Variants in FSD1L observed in about 807,000 individuals in gnomAD.
FSD1L encodes fibronectin type III and SPRY domain containing 1 like.
In FSD1L, 45 loss-of-function variants were observed where a neutral mutation model predicts 71.6. That is an observed-to-expected ratio of 0.63 (90% confidence interval 0.49 to 0.81). The LOEUF is 0.81. Among genes scored for constraint, FSD1L ranks in the 30% least tolerant of loss-of-function variants. The pLI is 0.00. For missense variants in FSD1L, 561 were observed against 618.1 expected, an observed-to-expected ratio of 0.91 and a Z score of 0.98; for synonymous variants, 197 against 207.2, an observed-to-expected ratio of 0.95 and a Z score of 0.42.
chr9:105,455,678 T>A (rs1830314437), intron 1 of FSD1L, among the ~76,000 whole-genome samples: 1 of 152,200 alleles, frequency 6.6e-6, no homozygotes, highest in Non-Finnish European at 1.5e-5. Context: ...TTGATAGCTG[T>A]GTGACCTAAA....
At chr9:105,475,951 A>G (rs1299916973) in intron 5 of FSD1L, among the ~76,000 whole-genome samples, 1 of 152,180 alleles carries the variant, frequency 6.6e-6, no homozygotes, top group Non-Finnish European at 1.5e-5. Flanking sequence ...CTAAAGGAAA[A>G]TAAGGCTTTG....
chr9:105,500,178 G>C (rs139236825), intron 7 of FSD1L, among the ~76,000 whole-genome samples: 67 of 152,254 alleles, frequency 4.4e-4, no homozygotes, highest in African/African-American at 1.5e-3. Flanking sequence ...CAGCATTTCT[G>C]CCATATCTGA....
chr9:105,447,217 A>AT (rs1351955064), upstream of FSD1L, among the ~76,000 whole-genome samples: 6 of 149,330 alleles, frequency 4.0e-5, no homozygotes, highest in Non-Finnish European at 7.4e-5. Flanking sequence ...CCAGCTACTC[A>AT]TGAGGCTGAG....
intron 10 of FSD1L, chr9:105,522,308 A>G: frequency 6.2e-7 from 1 of 1,613,944 alleles, no homozygotes; most frequent in South Asian, 1.1e-5. Context: ...TCAGTGATTT[A>G]CCATTGGATA....
intron 7 of FSD1L, among the ~76,000 whole-genome samples, chr9:105,495,217 C>G (rs186593017): frequency 0.012 from 1,804 of 152,314 alleles, 53 homozygotes; most frequent in African/African-American, 0.042. Context: ...GGTGCCCCTC[C>G]CCTAGCCTCG....
At chr9:105,516,900 C>T (rs1221266269) in intron 10 of FSD1L, among the ~76,000 whole-genome samples, 1 of 152,058 alleles carries the variant, frequency 6.6e-6, no homozygotes, top group African/African-American at 2.4e-5. Flanking sequence ...CATGTTCTAA[C>T]CTAATGCAAG....
intron 7 of FSD1L, among the ~76,000 whole-genome samples, chr9:105,485,469 A>G (rs1488521894): frequency 6.6e-6 from 1 of 151,918 alleles, no homozygotes; most frequent in East Asian, 1.9e-4. Flanking sequence ...ATTGGTGACC[A>G]AACTTCAACA....
chr9:105,511,981 A>T (rs2131376704), intron 9 of FSD1L, among the ~76,000 whole-genome samples: 1 of 152,224 alleles, frequency 6.6e-6, no homozygotes, highest in South Asian at 2.1e-4. Context: ...AATAGCTGAT[A>T]CCTTGCAAGA....
upstream of FSD1L, chr9:105,447,952 C>A (rs988374617): frequency 5.6e-6 from 3 of 533,074 alleles, no homozygotes; most frequent in Admixed American, 8.0e-5. Flanking sequence ...GCTCCCCACC[C>A]TCCACGGCTA....
chr9:105,483,310 G>A (rs1832330893), intron 6 of FSD1L, among the ~76,000 whole-genome samples: 2 of 152,280 alleles, frequency 1.3e-5, no homozygotes, highest in South Asian at 4.1e-4. Flanking sequence ...TAAAATAAGT[G>A]AATATAGCAA....
chr9:105,533,685 T>A (rs563202617), intron 10 of FSD1L, among the ~76,000 whole-genome samples: 2 of 150,606 alleles, frequency 1.3e-5, no homozygotes, highest in Admixed American at 1.3e-4. Flanking sequence ...CCTCTCAAAT[T>A]GCTGAGATTA....
At chr9:105,471,838 T>G (rs534688297) in intron 4 of FSD1L, 66 bp from the exon 5 acceptor site, 19 of 591,420 alleles carry the variant, frequency 3.2e-5, no homozygotes, top group Middle Eastern at 3.1e-4. Flanking sequence ...ACAATATATA[T>G]TTAAGATTCT....
Position 105,520,342 on chromosome 9 carries a change from A to G in FSD1L, c.1025+7406A>G, listed in dbSNP as rs1564135611. 6 of 1,304,516 alleles carry G rather than the reference A, an allele frequency of 4.6e-6. No homozygotes were observed. In the East Asian group the frequency reaches 1.4e-4, roughly 30 times the overall value. The allele number at this position is 1,304,516 out of a possible 1,614,324, so 80.8% of individuals were successfully genotyped here. A position where few individuals can be genotyped will look rare whatever the true frequency, so the allele number is the denominator to read the frequency against. ...TGATGCGTATTTGTTTTGGAAAGTG[A>G]TGTTTATTTAGTGAAAAAAAGAATG... On this transcript the variant is annotated intron_variant, in intron 10 of 13. Coordinates refer to ENST00000481272, the MANE Select transcript of FSD1L (RefSeq NM_001145313.3).
intron 7 of FSD1L, among the ~76,000 whole-genome samples, chr9:105,488,971 C>G (rs1588991920): frequency 6.6e-6 from 1 of 151,960 alleles, no homozygotes; most frequent in Admixed American, 6.6e-5. Context: ...TTATTCTAAA[C>G]CTTCTTACAG....
At chr9:105,530,096 G>A (rs117551014) in intron 10 of FSD1L, among the ~76,000 whole-genome samples, 4 of 152,288 alleles carry the variant, frequency 2.6e-5, no homozygotes, top group East Asian at 3.9e-4. Flanking sequence ...ATGCTAAGTC[G>A]TTTGTAAGTA....
intron 10 of FSD1L, chr9:105,525,548 T>C: frequency 6.2e-7 from 1 of 1,611,428 alleles, no homozygotes; most frequent in Non-Finnish European, 8.5e-7. Flanking sequence ...TATTGCAGAT[T>C]GCTTCTTAGT....
chr9:105,452,068 G>A (rs1236898946), intron 1 of FSD1L, among the ~76,000 whole-genome samples: 4 of 152,002 alleles, frequency 2.6e-5, no homozygotes, highest in Non-Finnish European at 1.5e-5. Flanking sequence ...GGCTTGACTG[G>A]ACAAAACTAG....
At chr9:105,456,678 G>T (rs1369514896) in intron 1 of FSD1L, among the ~76,000 whole-genome samples, 3 of 152,126 alleles carry the variant, frequency 2.0e-5, no homozygotes, top group Non-Finnish European at 2.9e-5. Context: ...GTATTTTTTT[G>T]TTGTTGTTAT....
chr9:105,532,577 G>A (rs1052406439), intron 10 of FSD1L, among the ~76,000 whole-genome samples: 1 of 151,968 alleles, frequency 6.6e-6, no homozygotes, highest in Admixed American at 6.5e-5. Context: ...CCCCCCTCAC[G>A]TTCTGTTTTG....
Sources: gnomAD v4.1 joint callset for allele counts (sites outside exome capture counted in the v4.1 genomes callset) on GRCh38, gnomAD v4.1.1 for gene constraint, MANE v1.5 for transcripts, NCBI Gene and HGNC (gene_info 2026-07-23, HGNC 2026-07-21) for gene names.